The following CDH13 variants were observed in gnomAD, a reference collection of about 807,000 sequenced individuals.
CDH13 encodes the protein cadherin 13, also known as cadherin-13.
Under a neutral mutation model 63.8 loss-of-function variants are expected in CDH13, and 24 were observed. The ratio of observed to expected loss-of-function variants is 0.38; its 90% CI spans 0.27 to 0.53. The LOEUF (loss-of-function observed/expected upper bound fraction) is 0.53. CDH13 is among the 20% of genes least tolerant of loss of function. The pLI is 0.85. For synonymous variants in CDH13, 503 were observed against 355.3 expected, an observed-to-expected ratio of 1.42 and a Z score of -4.67; for missense variants, 1,049 against 903.1, an observed-to-expected ratio of 1.16 and a Z score of -2.07.
intron 2 of CDH13, among the ~76,000 whole-genome samples, chr16:82,895,090 C>T (rs754491035): frequency 6.6e-6 from 1 of 152,146 alleles, no homozygotes; most frequent in South Asian, 2.1e-4. Flanking sequence ...TTAAGGTGAA[C>T]AATTCAGTGG....
In CDH13 at chr16:83,341,989, C is replaced by CCACACACACACACACA. The variant is rs756844839; in HGVS notation, c.637-2845_637-2830dup. Among the ~76,000 whole-genome samples, 563 of 138,120 alleles carry CCACACACACACACACA rather than the reference C, an allele frequency of 4.1e-3. 3 individuals are homozygous for CCACACACACACACACA. Among genetic ancestry groups the CCACACACACACACACA allele is most frequent in the Non-Finnish European group, 4.7e-3 (301 of 64,232 alleles). The allele number at this position is 138,120 out of a possible 152,430, so 90.6% of individuals were successfully genotyped here. A position where few individuals can be genotyped will look rare whatever the true frequency, so the allele number is the denominator to read the frequency against. Reference sequence around the variant, plus strand: ...ATTTATTTTGAATAGGTGTCCCCTGCCACACACACACACACACACACACAC... The same window carrying CCACACACACACACACA: ...ATTTATTTTGAATAGGTGTCCCCTGCCACACACACACACACACACACACACACACACACACACACAC... On this transcript the variant is annotated intron_variant, in intron 5 of 13. Coordinates refer to ENST00000567109, the MANE Select transcript of CDH13 (RefSeq NM_001257.5).
At chr16:83,576,736 G>T (rs1346988317) in intron 7 of CDH13, among the ~76,000 whole-genome samples, 1 of 152,114 alleles carries the variant, frequency 6.6e-6, no homozygotes, top group Admixed American at 6.5e-5. Flanking sequence ...TCATAGTTTT[G>T]ACTTACATTT....
At chr16:83,019,435 T>C (rs1465321877) in intron 2 of CDH13, among the ~76,000 whole-genome samples, 1 of 151,940 alleles carries the variant, frequency 6.6e-6, no homozygotes, top group Admixed American at 6.6e-5. Context: ...ATGATATCAA[T>C]GCCTTCTTCT....
chr16:83,273,616 C>T (rs1262653856), intron 5 of CDH13, among the ~76,000 whole-genome samples: 1 of 152,154 alleles, frequency 6.6e-6, no homozygotes, highest in African/African-American at 2.4e-5. Context: ...AATATGAATT[C>T]TTAAGAAGCC....
intron 4 of CDH13, among the ~76,000 whole-genome samples, chr16:83,160,401 AATT>A (rs1005061825): frequency 6.6e-6 from 1 of 152,164 alleles, no homozygotes; most frequent in Non-Finnish European, 1.5e-5. Flanking sequence ...AGCAGGTAGC[AATT>A]AAGACTGTGG....
chr16:83,088,953 T>C (rs1001770909), intron 3 of CDH13, among the ~76,000 whole-genome samples: 7 of 152,188 alleles, frequency 4.6e-5, no homozygotes, highest in African/African-American at 1.7e-4. Context: ...TAATATATGA[T>C]CAATAGATTT....
chr16:82,843,921 G>C (rs537369842), intron 1 of CDH13, among the ~76,000 whole-genome samples: 1 of 152,216 alleles, frequency 6.6e-6, no homozygotes, highest in African/African-American at 2.4e-5. Flanking sequence ...TGATTTCACA[G>C]GTAAATATTG....
At chr16:83,334,305 C>T (rs942866898) in intron 5 of CDH13, among the ~76,000 whole-genome samples, 8 of 150,436 alleles carry the variant, frequency 5.3e-5, no homozygotes, top group Non-Finnish European at 1.0e-4. Flanking sequence ...CCCTCTCTCT[C>T]CCCCCTCTCT....
At chr16:82,665,388 C>T (rs369547908) in intron 1 of CDH13, among the ~76,000 whole-genome samples, 8 of 152,052 alleles carry the variant, frequency 5.3e-5, no homozygotes, top group Admixed American at 1.3e-4. Context: ...CCGAGGCGCA[C>T]GTAAAACAAG....
intron 7 of CDH13, among the ~76,000 whole-genome samples, chr16:83,506,344 A>G (rs536101566): frequency 3.3e-5 from 5 of 152,176 alleles, no homozygotes; most frequent in African/African-American, 9.7e-5. Flanking sequence ...CAGTTCTGCT[A>G]TGAATGCTCC....
intron 4 of CDH13, among the ~76,000 whole-genome samples, chr16:83,142,239 C>T (rs1390031691): frequency 6.7e-6 from 1 of 149,708 alleles, no homozygotes; most frequent in Non-Finnish European, 1.5e-5. Context: ...CAGCTCACCA[C>T]AGCCTCCGCC....
At position 82,651,668 on chromosome 16, in the gene CDH13, C is replaced by T. The variant is rs146538091; in HGVS notation, c.45+24531C>T. On this transcript the variant is annotated intron_variant, in intron 1 of 13. Coordinates refer to ENST00000567109, the MANE Select transcript of CDH13 (RefSeq NM_001257.5). ...GACTGAGGCTTAGAGAGGGTAGGTACGCCATTGGAACAAAGCCACTCAGGC... is the reference window on the plus strand; with the variant it reads ...GACTGAGGCTTAGAGAGGGTAGGTATGCCATTGGAACAAAGCCACTCAGGC... Among the ~76,000 whole-genome samples the T allele has an allele frequency of 3.5e-4, 54 of 152,282 alleles. 1 individual carries two copies. The highest frequency in any genetic ancestry group is 6.7e-4 in the African/African-American group (28 of 41,550).
rs67985333 is a variant in CDH13, at chr16:83,010,135, CAAAAAAAAAAAA to C, written c.158-21859_158-21848del. ...GGGCAACAAGAGCAAAACTCTGTCT[CAAAAAAAAAAAA>C]AAAAAAAAAAAAAAACAAGAATGGC... On this transcript the variant is annotated intron_variant, in intron 2 of 13. Coordinates refer to ENST00000567109, the MANE Select transcript of CDH13 (RefSeq NM_001257.5). Among the ~76,000 whole-genome samples the C allele has an allele frequency of 1.8e-4, 9 of 50,104 alleles. No individual in the cohort carries two copies. The Admixed American group carries it at 1.9e-3, about 10-fold the overall frequency. 32.9% of individuals were successfully genotyped at this position (50,104 alleles called of 152,430 possible).
chr16:83,186,531 T>C (rs2038531017), intron 4 of CDH13, among the ~76,000 whole-genome samples: 1 of 152,132 alleles, frequency 6.6e-6, no homozygotes, highest in African/African-American at 2.4e-5. Flanking sequence ...TGTCATAGTA[T>C]TTTTGTTGTT....
In CDH13 at chr16:82,707,403, G is replaced by A. The variant is rs116319291; in HGVS notation, c.45+80266G>A. ...GCACTGGCCAATGAGAATGAGCAGG[G>A]GTATAATGGTGCCACCAGCACATAC... is the stretch of plus-strand genomic sequence containing the variant. On this transcript the variant is annotated intron_variant, in intron 1 of 13. Transcript: ENST00000567109. 4.3e-3 allele frequency among the ~76,000 whole-genome samples: 656 copies of A among 152,220 alleles called. 4 individuals are homozygous for A. Among genetic ancestry groups the A allele is most frequent in the African/African-American group, 0.015 (621 of 41,524 alleles).
chr16:82,952,493 G>T (rs554698228), intron 2 of CDH13, among the ~76,000 whole-genome samples: 9 of 152,202 alleles, frequency 5.9e-5, no homozygotes, highest in Non-Finnish European at 8.8e-5. Flanking sequence ...TGTGAGTTCA[G>T]ATCCCTACAA....
chr16:83,074,857 A>C (rs2032707942), intron 3 of CDH13, among the ~76,000 whole-genome samples: 1 of 152,214 alleles, frequency 6.6e-6, no homozygotes, highest in South Asian at 2.1e-4. Context: ...CATCACGTGG[A>C]CTGTCTGAAA....
chr16:83,574,956 G>A (rs1444024909), intron 7 of CDH13, among the ~76,000 whole-genome samples: 1 of 151,996 alleles, frequency 6.6e-6, no homozygotes, highest in South Asian at 2.1e-4. Flanking sequence ...AATATTAATA[G>A]CAACATTACG....
At chr16:83,488,170 G>A (rs185621534) in intron 7 of CDH13, among the ~76,000 whole-genome samples, 275 of 152,330 alleles carry the variant, frequency 1.8e-3, no homozygotes, top group Non-Finnish European at 3.2e-3. Flanking sequence ...CAAGTGCTCA[G>A]CAGTCATATG....
Sources: gnomAD v4.1 joint callset for allele counts (sites outside exome capture counted in the v4.1 genomes callset) on GRCh38, gnomAD v4.1.1 for gene constraint, MANE v1.5 for transcripts, NCBI Gene and HGNC (gene_info 2026-07-23, HGNC 2026-07-21) for gene names.